Variants in GRM7 observed in about 807,000 individuals in gnomAD.
GRM7 encodes metabotropic glutamate receptor 7.
A neutral mutation model predicts 84.5 loss-of-function variants in GRM7; 35 were observed. The observed-to-expected ratio is 0.41, with a 90% confidence interval of 0.32 to 0.55. The LOEUF (loss-of-function observed/expected upper bound fraction) is 0.55. GRM7 is among the 20% of genes least tolerant of loss of function. The pLI is 0.19. For synonymous variants in GRM7, 487 were observed against 455.1 expected (o/e 1.07, Z -0.89); for missense variants, 1,003 against 1,194.6 (o/e 0.84, Z 2.36).
At chr3:6,879,475 T>C (rs556296874) in intron 1 of GRM7, among the ~76,000 whole-genome samples, 1 of 152,346 alleles carries the variant, frequency 6.6e-6, no homozygotes, top group East Asian at 1.9e-4. Flanking sequence ...GTTTTACTTA[T>C]TTTGCTTAAT....
intron 7 of GRM7, among the ~76,000 whole-genome samples, chr3:7,495,985 T>C (rs1335235456): frequency 6.6e-6 from 1 of 152,200 alleles, no homozygotes; most frequent in African/African-American, 2.4e-5. Flanking sequence ...AGAGAAAGTA[T>C]AAAACATATT....
At chr3:6,956,001 T>C (rs1693034182) in intron 1 of GRM7, among the ~76,000 whole-genome samples, 1 of 152,200 alleles carries the variant, frequency 6.6e-6, no homozygotes, top group South Asian at 2.1e-4. Flanking sequence ...TTAATATCTG[T>C]GCTCCTGTAA....
In GRM7 at chr3:7,211,652, C is replaced by CA. The variant is rs370634134; in HGVS notation, c.736+65000dup. On this transcript the variant is annotated intron_variant, in intron 2 of 9. Transcript: ENST00000357716. ...AAAATTAGCTTTCTGTTCTCCCAAC[C>CA]AAAAAAAAAAAAAAAATCACACTGA... Among the ~76,000 whole-genome samples the CA allele has an allele frequency of 1.6e-3, 197 of 122,656 alleles. 3 individuals carry two copies. The highest frequency in any genetic ancestry group is 7.2e-3 in the Admixed American group (88 of 12,222). The allele number at this position is 122,656 out of a possible 152,430, so 80.5% of individuals were successfully genotyped here.
chr3:6,888,471 C>T (rs1285857026), intron 1 of GRM7, among the ~76,000 whole-genome samples: 2 of 152,028 alleles, frequency 1.3e-5, no homozygotes, highest in Non-Finnish European at 2.9e-5. Context: ...TTTCCCAGCA[C>T]CATTTATTAA....
chr3:7,684,943 C>T (rs1286108504), intron 9 of GRM7, among the ~76,000 whole-genome samples: 1 of 152,164 alleles, frequency 6.6e-6, no homozygotes, highest in African/African-American at 2.4e-5. Flanking sequence ...TATATCTGGC[C>T]ATGATGATGC....
At chr3:7,294,224 C>G (rs1182338638) in intron 2 of GRM7, among the ~76,000 whole-genome samples, 1 of 152,154 alleles carries the variant, frequency 6.6e-6, no homozygotes, top group Non-Finnish European at 1.5e-5. Flanking sequence ...GACATGTTGC[C>G]AAATGGAGTT....
intron 7 of GRM7, among the ~76,000 whole-genome samples, chr3:7,512,323 A>G (rs1700237009): frequency 6.6e-6 from 1 of 152,112 alleles, no homozygotes; most frequent in Non-Finnish European, 1.5e-5. Flanking sequence ...AAATTCAGTT[A>G]TTATTTTTTA....
Position 7,615,237 on chromosome 3 carries a change from T to C in GRM7, c.2451+35880T>C, listed in dbSNP as rs545481686. 1.2e-4 allele frequency among the ~76,000 whole-genome samples: 19 copies of C among 152,304 alleles called. No homozygotes were observed. The South Asian group carries it at 3.7e-3, about 30-fold the overall frequency. ...TTGTAACACTTTTTAAATCTGTGTG[T>C]CACTGTCTTTCATCATCTCTTATGA... On this transcript the variant is annotated intron_variant, in intron 8 of 9. Transcript: ENST00000357716.
At chr3:7,027,317 A>T (rs997744810) in intron 1 of GRM7, among the ~76,000 whole-genome samples, 8 of 152,114 alleles carry the variant, frequency 5.3e-5, no homozygotes, top group African/African-American at 1.9e-4. Flanking sequence ...AAAAATCTAA[A>T]CATCTAGACC....
At chr3:6,979,553 A>G (rs1694119600) in intron 1 of GRM7, among the ~76,000 whole-genome samples, 1 of 152,160 alleles carries the variant, frequency 6.6e-6, no homozygotes, top group South Asian at 2.1e-4. Context: ...GTCAAACAAT[A>G]TCCAAATATA....
At chr3:7,435,851 CTTTTT>C (rs34860272) in intron 5 of GRM7, among the ~76,000 whole-genome samples, 1 of 89,270 alleles carries the variant, frequency 1.1e-5, no homozygotes, top group Non-Finnish European at 2.1e-5. Flanking sequence ...CCACACCCAT[CTTTTT>C]TTTTTTTTTT....
chr3:7,407,816 G>A (rs971755491), intron 4 of GRM7, among the ~76,000 whole-genome samples: 1 of 152,198 alleles, frequency 6.6e-6, no homozygotes, highest in Admixed American at 6.5e-5. Context: ...CTATCTGACT[G>A]CAAAGCGAGG....
intron 1 of GRM7, among the ~76,000 whole-genome samples, chr3:6,930,561 G>C (rs986588664): frequency 1.3e-5 from 2 of 152,072 alleles, no homozygotes; most frequent in Admixed American, 6.6e-5. Context: ...GTGCCTCTGA[G>C]TTTAGCTCTT....
chr3:6,997,221 C>T (rs141441821), intron 1 of GRM7, among the ~76,000 whole-genome samples: 6 of 151,898 alleles, frequency 4.0e-5, no homozygotes, highest in Non-Finnish European at 7.4e-5. Flanking sequence ...TGGTCAGGTG[C>T]CATTACAGAG....
intron 7 of GRM7, among the ~76,000 whole-genome samples, chr3:7,527,119 C>T (rs1239537): frequency 0.61 from 93,280 of 151,754 alleles, 29,728 homozygotes; most frequent in African/African-American, 0.79. Flanking sequence ...CTTTGAGCAG[C>T]ATGAACATTT....
intron 4 of GRM7, among the ~76,000 whole-genome samples, chr3:7,410,496 C>G (rs1236278750): frequency 1.3e-5 from 2 of 151,854 alleles, no homozygotes; most frequent in Non-Finnish European, 2.9e-5. Context: ...TCACTTGAGC[C>G]TGGTGGGTTG....
At chr3:7,179,460 C>A (rs1170454923) in intron 2 of GRM7, among the ~76,000 whole-genome samples, 1 of 152,154 alleles carries the variant, frequency 6.6e-6, no homozygotes. Flanking sequence ...TCAATGTTTT[C>A]TCATTTAGAT....
chr3:6,882,745 G>A (rs894696042), intron 1 of GRM7, among the ~76,000 whole-genome samples: 3 of 152,062 alleles, frequency 2.0e-5, no homozygotes, highest in Middle Eastern at 3.2e-3. Context: ...TATATAATGA[G>A]CATGATTCCA....
intron 1 of GRM7, among the ~76,000 whole-genome samples, chr3:6,942,705 A>G (rs1196206264): frequency 6.6e-6 from 1 of 152,098 alleles, no homozygotes; most frequent in Non-Finnish European, 1.5e-5. Context: ...TTTGTGTACA[A>G]GCTTTTGTGT....
Sources: allele counts gnomAD v4.1 joint callset (sites outside exome capture counted in the v4.1 genomes callset), GRCh38; gene constraint gnomAD v4.1.1; transcripts MANE v1.5; gene names NCBI Gene and HGNC (gene_info 2026-07-23, HGNC 2026-07-21).